Variants in RASGEF1A observed in about 807,000 individuals in gnomAD.
RASGEF1A encodes the protein ras-GEF domain-containing family member 1A.
In RASGEF1A, 18 loss-of-function variants were observed where a neutral mutation model predicts 56.4. The observed-to-expected ratio is 0.32, with a 90% CI of 0.22 to 0.47. RASGEF1A has a LOEUF of 0.47. RASGEF1A is among the 20% of genes least tolerant of loss of function. RASGEF1A has a pLI of 1.00. For synonymous variants in RASGEF1A, 245 were observed against 242.6 expected (o/e 1.01, Z -0.09); for missense variants, 422 against 627.1 (o/e 0.67, Z 3.49).
chr10:43,249,913 C>T (rs1240664584), intron 1 of RASGEF1A, among the ~76,000 whole-genome samples: 2 of 152,224 alleles, frequency 1.3e-5, no homozygotes, highest in Non-Finnish European at 2.9e-5. Context: ...GGGACTTTCA[C>T]GTGTGTTTAA....
intron 7 of RASGEF1A, among the ~76,000 whole-genome samples, 172 bp from the exon 8 acceptor site, chr10:43,199,366 A>G (rs1233152764): frequency 6.6e-6 from 1 of 152,158 alleles, no homozygotes; most frequent in Non-Finnish European, 1.5e-5. Context: ...TGCACGGCCT[A>G]TGCTCAGGCT....
chr10:43,203,750 T>A (rs993082355), intron 2 of RASGEF1A: 11 of 1,067,966 alleles, frequency 1.0e-5, no homozygotes, highest in Middle Eastern at 4.4e-4. Context: ...TAGGGCTCCA[T>A]GGTGCTCGCT....
At chr10:43,208,307 GA>G (rs1366646060) in intron 1 of RASGEF1A, 2 of 985,610 alleles carry the variant, frequency 2.0e-6, no homozygotes, top group African/African-American at 3.5e-5. Flanking sequence ...GTATGTGGGG[GA>G]TGCACTCTGA....
chr10:43,241,058 T>C (rs149843346), intron 1 of RASGEF1A, among the ~76,000 whole-genome samples: 4 of 152,196 alleles, frequency 2.6e-5, no homozygotes, highest in Non-Finnish European at 4.4e-5. Flanking sequence ...ACCTGCCTTA[T>C]AAGAACTACT....
At chr10:43,221,098 G>A (rs1368373162) in intron 1 of RASGEF1A, among the ~76,000 whole-genome samples, 1 of 152,160 alleles carries the variant, frequency 6.6e-6, no homozygotes, top group African/African-American at 2.4e-5. Flanking sequence ...GCTGGGAGAA[G>A]AGGAGTGATC....
At chr10:43,199,442 C>T (rs1842369200) in intron 7 of RASGEF1A, among the ~76,000 whole-genome samples, 1 of 152,174 alleles carries the variant, frequency 6.6e-6, no homozygotes, top group Admixed American at 6.5e-5. Flanking sequence ...AAGCCTCACA[C>T]AGGCAAGAAA....
chr10:43,239,418 C>T (rs1453890228), intron 1 of RASGEF1A, among the ~76,000 whole-genome samples: 3 of 152,186 alleles, frequency 2.0e-5, no homozygotes, highest in Non-Finnish European at 4.4e-5. Context: ...AAAACCCTCT[C>T]TTCCATAAAC....
chr10:43,233,257 T>C (rs945072521), intron 1 of RASGEF1A, among the ~76,000 whole-genome samples: 1 of 152,208 alleles, frequency 6.6e-6, no homozygotes, highest in African/African-American at 2.4e-5. Flanking sequence ...TCCCAATGAC[T>C]GTAACATGTC....
intron 1 of RASGEF1A, among the ~76,000 whole-genome samples, chr10:43,221,428 C>T (rs1029936459): frequency 5.3e-5 from 8 of 152,204 alleles, no homozygotes; most frequent in African/African-American, 7.2e-5. Context: ...GCTGCTCCCC[C>T]CTTCTCCAGA....
chr10:43,209,453 C>G (rs1045904069), intron 1 of RASGEF1A, among the ~76,000 whole-genome samples: 1 of 152,144 alleles, frequency 6.6e-6, no homozygotes, highest in African/African-American at 2.4e-5. Context: ...ACCCTTGGAG[C>G]CTTAACTTCT....
intron 1 of RASGEF1A, among the ~76,000 whole-genome samples, chr10:43,223,050 G>C (rs921634666): frequency 3.9e-5 from 6 of 152,084 alleles, no homozygotes; most frequent in Admixed American, 3.3e-4. Context: ...AGAACACAAA[G>C]CTATGCCCAG....
intron 1 of RASGEF1A, among the ~76,000 whole-genome samples, chr10:43,213,615 G>T (rs35259566): frequency 6.6e-6 from 1 of 152,128 alleles, no homozygotes; most frequent in Non-Finnish European, 1.5e-5. Flanking sequence ...CTTCAAGGAC[G>T]TTGGAGAGTT....
rs1554827209 is a variant in RASGEF1A at position 43,225,576 on chromosome 10, G to GATGGGTGTGTGT, written c.-6-19455_-6-19454insACACACACCCAT. Among the ~76,000 whole-genome samples the GATGGGTGTGTGT allele has an allele frequency of 2.0e-3, 298 of 146,174 alleles. 2 individuals are homozygous for GATGGGTGTGTGT. Among genetic ancestry groups the GATGGGTGTGTGT allele is most frequent in the African/African-American group, 6.9e-3 (278 of 40,008 alleles). ...CTCTGTGTGTGGGTGTCTGTGTATG[G>GATGGGTGTGTGT]GTGTGTGTGTGTGTGTGTGTGTGTG... On this transcript the variant is annotated intron_variant, in intron 1 of 12. Transcript: ENST00000395810.
intron 10 of RASGEF1A, 145 bp downstream of exon 10, chr10:43,197,859 C>A: frequency 1.5e-6 from 1 of 663,200 alleles, no homozygotes; most frequent in Non-Finnish European, 2.6e-6. Context: ...CCGTGACCCA[C>A]TATGAGGCTT....
intron 3 of RASGEF1A, chr10:43,202,716 G>A (rs1026973876): frequency 2.2e-6 from 1 of 458,094 alleles, no homozygotes; most frequent in Non-Finnish European, 4.5e-6. Flanking sequence ...CCAAACCAGC[G>A]GATTCCGCCC....
intron 1 of RASGEF1A, among the ~76,000 whole-genome samples, chr10:43,264,015 T>A (rs997337689): frequency 6.6e-6 from 1 of 152,172 alleles, no homozygotes; most frequent in South Asian, 2.1e-4. Context: ...TCTACCAGCC[T>A]GTCCCAGGTG....
At chr10:43,252,150 G>A (rs11238490) in intron 1 of RASGEF1A, among the ~76,000 whole-genome samples, 26,984 of 152,252 alleles carry the variant, frequency 0.18, 2,881 homozygotes, top group East Asian at 0.51. Flanking sequence ...AGCAGAGGGG[G>A]CTTGGGGGAA....
intron 1 of RASGEF1A, chr10:43,208,174 G>A: frequency 2.0e-6 from 2 of 985,466 alleles, no homozygotes; most frequent in Non-Finnish European, 2.4e-6. Flanking sequence ...GGTTCAAAAG[G>A]CGACCAGCAG....
rs557912027 is a variant in RASGEF1A, at chr10:43,263,763, G to A, written c.-7+3082C>T. On this transcript the variant is annotated intron_variant, in intron 1 of 12. Coordinates refer to ENST00000395810, the MANE Select transcript of RASGEF1A (RefSeq NM_145313.4). ...TCCCAGAACAGGATCACTGGGTGTCGTCCTGAGTTGTGCCCAAAGGCACCC... is the reference window on the plus strand; with the variant it reads ...TCCCAGAACAGGATCACTGGGTGTCATCCTGAGTTGTGCCCAAAGGCACCC... 1.8e-4 allele frequency among the ~76,000 whole-genome samples: 27 copies of A among 152,320 alleles called. 1 individual carries two copies. The South Asian group carries it at 4.8e-3, about 27-fold the overall frequency.
Sources: allele counts gnomAD v4.1 joint callset (sites outside exome capture counted in the v4.1 genomes callset), GRCh38; gene constraint gnomAD v4.1.1; transcripts MANE v1.5; gene names NCBI Gene and HGNC (gene_info 2026-07-23, HGNC 2026-07-21).